The following TXNL4A variants were observed in gnomAD, a reference collection of about 807,000 sequenced individuals.
TXNL4A encodes the protein thioredoxin-like protein 4A.
A neutral mutation model predicts 14.6 loss-of-function variants in TXNL4A; 17 were observed. The ratio of observed to expected loss-of-function variants is 1.16; its 90% CI spans 0.80 to 1.74. The LOEUF (loss-of-function observed/expected upper bound fraction) is 1.74. TXNL4A is among the 40% of genes most tolerant of loss of function. The probability of loss-of-function intolerance (pLI) is 0.00; values close to 1 mark genes in which losing one functional copy is unlikely to be tolerated. For missense variants in TXNL4A, 74 were observed against 195.2 expected, an observed-to-expected ratio of 0.38 and a Z score of 3.70; for synonymous variants, 83 against 70.6, an observed-to-expected ratio of 1.18 and a Z score of -0.88.
chr18:80,008,260 C>T (rs528118356), intron 1 of TXNL4A, among the ~76,000 whole-genome samples: 1 of 152,166 alleles, frequency 6.6e-6, no homozygotes, highest in Admixed American at 6.5e-5. Flanking sequence ...TAGTAGCTCT[C>T]ATTCATGGGA....
At chr18:79,989,118 G>T (rs1013641073), upstream of TXNL4A, among the ~76,000 whole-genome samples, 63 of 152,152 alleles carry the variant, frequency 4.1e-4, no homozygotes, top group African/African-American at 1.3e-3. Context: ...CTGAAACCAG[G>T]TTTTTTAATT....
chr18:79,996,568 C>T (rs2051664068), intron 1 of TXNL4A, among the ~76,000 whole-genome samples: 1 of 152,188 alleles, frequency 6.6e-6, no homozygotes, highest in African/African-American at 2.4e-5. Context: ...TCGTCAACAT[C>T]CATAATGCTC....
chr18:79,990,953 A>G (rs1368239412), upstream of TXNL4A, among the ~76,000 whole-genome samples: 5 of 151,798 alleles, frequency 3.3e-5, no homozygotes, highest in African/African-American at 1.2e-4. Context: ...AAATACAAAA[A>G]AAAAATTAGC....
intron 1 of TXNL4A, among the ~76,000 whole-genome samples, chr18:79,996,129 G>A (rs1250900795): frequency 2.9e-5 from 3 of 102,820 alleles, no homozygotes; most frequent in Admixed American, 2.1e-4. Flanking sequence ...AAAAAAAAAC[G>A]GCCAGGACAG....
intron 2 of TXNL4A, chr18:79,976,828 C>A (rs1341431527): frequency 1.6e-5 from 7 of 451,458 alleles, no homozygotes; most frequent in South Asian, 1.1e-4. Flanking sequence ...ATTTCTTTCC[C>A]CATTAAATTT....
At chr18:79,986,337 G>C (rs1461728491) in intron 1 of TXNL4A, among the ~76,000 whole-genome samples, 3 of 152,136 alleles carry the variant, frequency 2.0e-5, no homozygotes, top group Non-Finnish European at 4.4e-5. Context: ...GCCTGGCCTA[G>C]GTTTGCCCTT....
intron 1 of TXNL4A, among the ~76,000 whole-genome samples, chr18:80,012,865 G>A (rs1767353645): frequency 1.3e-5 from 2 of 150,796 alleles, no homozygotes; most frequent in African/African-American, 4.9e-5. Context: ...GGTCCAGTGC[G>A]GAGTGCCCTT....
At chr18:79,975,576 A>G (rs1464285191) in intron 2 of TXNL4A, among the ~76,000 whole-genome samples, 1 of 152,204 alleles carries the variant, frequency 6.6e-6, no homozygotes, top group Non-Finnish European at 1.5e-5. Flanking sequence ...TCTCACCTGA[A>G]GAATTCTGAG....
chr18:79,973,956 T>A, intron 2 of TXNL4A, 100 bp from the exon 3 acceptor site: 7 of 1,507,536 alleles, frequency 4.6e-6, no homozygotes, highest in Non-Finnish European at 3.6e-6. Flanking sequence ...CAAGCTCTTG[T>A]TAACATCACT....
upstream of TXNL4A, among the ~76,000 whole-genome samples, chr18:79,992,825 A>G (rs1339917028): frequency 7.4e-5 from 10 of 134,834 alleles, no homozygotes; most frequent in Non-Finnish European, 3.1e-5. Context: ...TGTCTATGTT[A>G]CCTTATGTAA....
intron 1 of TXNL4A, among the ~76,000 whole-genome samples, chr18:80,032,867 G>A (rs1325232827): frequency 6.6e-6 from 1 of 152,132 alleles, no homozygotes; most frequent in Non-Finnish European, 1.5e-5. Context: ...CCATGGCAAT[G>A]CAAATTGATA....
intron 2 of TXNL4A, among the ~76,000 whole-genome samples, chr18:79,976,369 C>T (rs2051379353): frequency 6.6e-6 from 1 of 152,220 alleles, no homozygotes; most frequent in African/African-American, 2.4e-5. Context: ...GAAAAGTTCT[C>T]AATGTGCCGG....
chr18:80,017,312 G>C (rs910891634), intron 1 of TXNL4A, among the ~76,000 whole-genome samples: 17 of 152,098 alleles, frequency 1.1e-4, no homozygotes, highest in Non-Finnish European at 2.1e-4. Context: ...CTGCAAACAG[G>C]GACAATTTGA....
At chr18:80,015,795 T>C (rs1269909057) in intron 1 of TXNL4A, among the ~76,000 whole-genome samples, 1 of 149,782 alleles carries the variant, frequency 6.7e-6, no homozygotes, top group Non-Finnish European at 1.5e-5. Context: ...AAGTCTTTGC[T>C]ATTGTGAATA....
chr18:80,017,081 C>T (rs548688362), intron 1 of TXNL4A, among the ~76,000 whole-genome samples: 1 of 148,508 alleles, frequency 6.7e-6, no homozygotes, highest in East Asian at 2.0e-4. Context: ...CCTTCACATC[C>T]CTTGTAAGTT....
intron 1 of TXNL4A, among the ~76,000 whole-genome samples, chr18:80,019,137 A>T (rs368806595): frequency 6.6e-6 from 1 of 152,134 alleles, no homozygotes; most frequent in East Asian, 1.9e-4. Context: ...GCATTTTCGG[A>T]TATCTTCTCA....
At chr18:79,981,026 C>T (rs971002634) in intron 1 of TXNL4A, among the ~76,000 whole-genome samples, 2 of 152,226 alleles carry the variant, frequency 1.3e-5, no homozygotes, top group African/African-American at 4.8e-5. Flanking sequence ...AACTAATAAA[C>T]TGTCTTTTGA....
At position 79,993,921 on chromosome 18, in the gene TXNL4A, G is replaced by A. The variant is rs1313023919; in HGVS notation, c.-60-16220C>T. On this transcript the variant is annotated intron_variant, in intron 1 of 2. Transcript: ENST00000585474. The surrounding 1 kb of genome is among the most constrained non-coding windows in gnomAD (Gnocchi z 4.4). ...TGGAGCCCCTGACACACTTTACCAG[G>A]TAGCCGCGACAAGCGTGGACTGAAC... 2.6e-5 allele frequency among the ~76,000 whole-genome samples: 4 copies of A among 152,142 alleles called. No homozygotes were observed. The highest frequency in any genetic ancestry group is 4.4e-5 in the Non-Finnish European group (3 of 68,034).
chr18:80,028,168 T>C (rs1240174141), intron 1 of TXNL4A, among the ~76,000 whole-genome samples: 1 of 149,250 alleles, frequency 6.7e-6, no homozygotes, highest in Non-Finnish European at 1.5e-5. Context: ...ATGGTGATCA[T>C]CAGAGGCCTA....
Sources: allele counts gnomAD v4.1 joint callset (sites outside exome capture counted in the v4.1 genomes callset), GRCh38; gene constraint gnomAD v4.1.1; non-coding constraint Gnocchi (gnomAD v3.1); transcripts MANE v1.5; gene names NCBI Gene and HGNC (gene_info 2026-07-23, HGNC 2026-07-21).